The following ADGRB3 variants were observed in gnomAD, a reference collection of about 807,000 sequenced individuals.
ADGRB3 encodes brain-specific angiogenesis inhibitor 3.
Under a neutral mutation model 193.4 loss-of-function variants are expected in ADGRB3, and 37 were observed. That is an observed-to-expected ratio of 0.19 (90% CI 0.15 to 0.25). The LOEUF (loss-of-function observed/expected upper bound fraction) is 0.25. Among genes scored for constraint, ADGRB3 ranks in the 10% least tolerant of loss-of-function variants. The pLI is 1.00. For missense variants in ADGRB3, 1,637 were observed against 1,852.9 expected, an observed-to-expected ratio of 0.88 and a Z score of 2.14; for synonymous variants, 690 against 644.2, an observed-to-expected ratio of 1.07 and a Z score of -1.08.
At chr6:69,257,490 T>C (rs1225050301) in intron 20 of ADGRB3, among the ~76,000 whole-genome samples, 3 of 152,136 alleles carry the variant, frequency 2.0e-5, no homozygotes, top group Non-Finnish European at 2.9e-5. Context: ...TTTATTTGCG[T>C]AGAGGTGTTT....
chr6:68,980,126 G>T lies in ADGRB3; in HGVS notation c.1734+4786G>T, dbSNP rs190127850. Reference sequence around the variant, plus strand: ...GCTCTTCCATAGGGAAATATGAAGAGTTAGGTATAAATATCCCCTTTTAGG... The same window carrying T: ...GCTCTTCCATAGGGAAATATGAAGATTTAGGTATAAATATCCCCTTTTAGG... On this transcript the variant is annotated intron_variant, in intron 10 of 31. Transcript: ENST00000370598. 1.7e-4 allele frequency among the ~76,000 whole-genome samples: 26 copies of T among 151,670 alleles called. No homozygotes were observed. The East Asian group carries it at 4.8e-3, about 28-fold the overall frequency.
At chr6:69,146,561 G>A (rs538840105) in intron 17 of ADGRB3, among the ~76,000 whole-genome samples, 12 of 152,320 alleles carry the variant, frequency 7.9e-5, no homozygotes, top group Admixed American at 5.9e-4. Flanking sequence ...CACACCTGGG[G>A]AACAAGAGGC....
At chr6:69,062,762 C>G (rs1771785933) in intron 15 of ADGRB3, among the ~76,000 whole-genome samples, 172 bp from the exon 16 acceptor site, 1 of 151,872 alleles carries the variant, frequency 6.6e-6, no homozygotes, top group South Asian at 2.1e-4. Flanking sequence ...GTTTTCTGTT[C>G]CACATAAGGT....
chr6:69,173,979 A>G (rs1775356958), intron 17 of ADGRB3, among the ~76,000 whole-genome samples: 1 of 152,268 alleles, frequency 6.6e-6, no homozygotes, highest in African/African-American at 2.4e-5. Flanking sequence ...ACTTTAGCTA[A>G]TAAGATGAAC....
chr6:69,382,008 C>T (rs1052464101), intron 30 of ADGRB3, among the ~76,000 whole-genome samples: 6 of 151,830 alleles, frequency 4.0e-5, no homozygotes, highest in Non-Finnish European at 7.4e-5. Flanking sequence ...TTCGTTAGTG[C>T]TCTTAAATGA....
intron 3 of ADGRB3, among the ~76,000 whole-genome samples, chr6:68,747,313 A>G (rs1766104030): frequency 6.6e-6 from 1 of 152,222 alleles, no homozygotes; most frequent in South Asian, 2.1e-4. Flanking sequence ...CTCAGAGAGC[A>G]ATGAATCATC....
At chr6:68,792,335 C>T (rs150539962) in intron 3 of ADGRB3, among the ~76,000 whole-genome samples, 80 of 152,288 alleles carry the variant, frequency 5.3e-4, no homozygotes, top group African/African-American at 1.7e-3. Context: ...GAGAAGTCAT[C>T]TGGTTAAAGA....
At chr6:69,075,687 A>G (rs1772207902) in intron 16 of ADGRB3, among the ~76,000 whole-genome samples, 1 of 152,190 alleles carries the variant, frequency 6.6e-6, no homozygotes, top group Non-Finnish European at 1.5e-5. Flanking sequence ...AGACATAAGT[A>G]TAAAATCAAA....
intron 22 of ADGRB3, among the ~76,000 whole-genome samples, chr6:69,329,933 C>A (rs1212957181): frequency 2.0e-5 from 3 of 152,104 alleles, no homozygotes; most frequent in Non-Finnish European, 4.4e-5. Flanking sequence ...TATTTTTATT[C>A]AAAAGCTTAT....
chr6:69,261,558 T>C (rs1221771695), intron 20 of ADGRB3, among the ~76,000 whole-genome samples: 1 of 152,070 alleles, frequency 6.6e-6, no homozygotes, highest in African/African-American at 2.4e-5. Flanking sequence ...TATGACATTT[T>C]TTATACTTTT....
chr6:69,191,766 A>G (rs899021034), intron 17 of ADGRB3, among the ~76,000 whole-genome samples: 18 of 152,136 alleles, frequency 1.2e-4, no homozygotes, highest in African/African-American at 4.1e-4. Flanking sequence ...CTTGTCTGAG[A>G]CAAAGAAATT....
At chr6:68,698,000 A>G (rs957405190) in intron 3 of ADGRB3, among the ~76,000 whole-genome samples, 2 of 151,748 alleles carry the variant, frequency 1.3e-5, no homozygotes, top group African/African-American at 4.8e-5. Context: ...AGATATAGAT[A>G]TAAACAGATA....
intron 3 of ADGRB3, among the ~76,000 whole-genome samples, chr6:68,929,027 T>C (rs1470916714): frequency 6.6e-6 from 1 of 152,144 alleles, no homozygotes; most frequent in Non-Finnish European, 1.5e-5. Flanking sequence ...AGATACTTCT[T>C]ATGGCCTGGC....
chr6:69,176,197 G>T (rs905338240), intron 17 of ADGRB3, among the ~76,000 whole-genome samples: 1 of 152,148 alleles, frequency 6.6e-6, no homozygotes, highest in Non-Finnish European at 1.5e-5. Flanking sequence ...GTGAGAGTGG[G>T]CATCCTTATC....
At chr6:68,995,054 T>A (rs1769345615) in intron 11 of ADGRB3, among the ~76,000 whole-genome samples, 1 of 152,190 alleles carries the variant, frequency 6.6e-6, no homozygotes, top group Non-Finnish European at 1.5e-5. Context: ...GAATTATTGG[T>A]GCTGAATTCT....
chr6:69,191,875 G>C (rs1765195118), intron 17 of ADGRB3, among the ~76,000 whole-genome samples: 1 of 152,140 alleles, frequency 6.6e-6, no homozygotes, highest in South Asian at 2.1e-4. Context: ...GGGTTGGAAA[G>C]CAGGGTGCAA....
intron 3 of ADGRB3, among the ~76,000 whole-genome samples, chr6:68,781,230 C>G (rs1238652964): frequency 6.6e-6 from 1 of 152,076 alleles, no homozygotes; most frequent in Non-Finnish European, 1.5e-5. Context: ...CTTATGAGGT[C>G]ATAAAATTTC....
chr6:68,988,254 G>C (rs151105456), intron 10 of ADGRB3, among the ~76,000 whole-genome samples: 2 of 152,218 alleles, frequency 1.3e-5, no homozygotes, highest in African/African-American at 4.8e-5. Context: ...GATACAGCAA[G>C]ATTACTTCTA....
chr6:69,353,420 A>G (rs566342538), intron 26 of ADGRB3, among the ~76,000 whole-genome samples: 11 of 152,348 alleles, frequency 7.2e-5, no homozygotes, highest in Non-Finnish European at 1.5e-4. Flanking sequence ...GGCACATAGT[A>G]CTTGAAGGGA....
Sources: allele counts gnomAD v4.1 joint callset (sites outside exome capture counted in the v4.1 genomes callset), GRCh38; gene constraint gnomAD v4.1.1; transcripts MANE v1.5; gene names NCBI Gene and HGNC (gene_info 2026-07-23, HGNC 2026-07-21).